Variants in ADGRL3 observed in about 807,000 individuals in gnomAD.
The protein encoded by ADGRL3 is adhesion G protein-coupled receptor L3.
ADGRL3 carries 62 observed loss-of-function variants against 153.5 expected under a neutral mutation model. That is an observed-to-expected ratio of 0.40 (90% CI 0.33 to 0.50). The LOEUF is 0.50. Among genes scored for constraint, ADGRL3 ranks in the 20% least tolerant of loss-of-function variants. The pLI, the probability that ADGRL3 is intolerant of heterozygous loss-of-function variation, is 0.47. For missense variants in ADGRL3, 1,641 were observed against 1,859.4 expected, an observed-to-expected ratio of 0.88 and a Z score of 2.16; for synonymous variants, 710 against 672.5, an observed-to-expected ratio of 1.06 and a Z score of -0.86.
chr4:62,057,057 C>A (rs1737409479), intron 25 of ADGRL3, among the ~76,000 whole-genome samples: 1 of 151,992 alleles, frequency 6.6e-6, no homozygotes, highest in South Asian at 2.1e-4. Flanking sequence ...AGTAGAGTGG[C>A]AATTCAAGTT....
chr4:61,913,669 T>C (rs957673503), intron 13 of ADGRL3, among the ~76,000 whole-genome samples: 6 of 152,150 alleles, frequency 3.9e-5, no homozygotes, highest in Non-Finnish European at 1.5e-5. Context: ...TTGATATAAA[T>C]AGTAAAAATT....
Position 62,070,674 on chromosome 4 carries a change from G to T in ADGRL3, c.4398G>T (p.Glu1466Asp). ...MPTLAGVAAT[E>D]SVTTSTQTEP... ...CACTGGCTGGTGTGGCCGCCACAGAGAGTGTTACCACCAGCACCCAGACCG... is the reference window on the plus strand; with the variant it reads ...CACTGGCTGGTGTGGCCGCCACAGATAGTGTTACCACCAGCACCCAGACCG... The change falls in exon 27 of 27, where the codon GAG becomes GAT. Residue 1466 changes from glutamate (E) to aspartate (D), a missense_variant. This residue lies in a region of ADGRL3 where 517 missense variants were observed against 555.0 expected (regional missense o/e 0.93). Transcript: ENST00000683033. 1 of 1,551,502 alleles carries T rather than the reference G, an allele frequency of 6.4e-7. No individual in the cohort carries two copies. Among genetic ancestry groups the T allele is most frequent in the South Asian group, 1.2e-5 (1 of 84,034 alleles).
chr4:62,051,721 T>C (rs1734327404), intron 25 of ADGRL3, among the ~76,000 whole-genome samples: 1 of 151,716 alleles, frequency 6.6e-6, no homozygotes, highest in Admixed American at 6.6e-5. Context: ...TCCTCACGTT[T>C]TTTGATTTAT....
chr4:61,797,571 A>G (rs888546733), intron 8 of ADGRL3, among the ~76,000 whole-genome samples: 1 of 152,204 alleles, frequency 6.6e-6, no homozygotes, highest in Admixed American at 6.5e-5. Context: ...AGAATTAAAT[A>G]TTCAATAAAT....
intron 23 of ADGRL3, among the ~76,000 whole-genome samples, chr4:62,033,664 G>A (rs573972860): frequency 1.3e-4 from 19 of 151,800 alleles, no homozygotes; most frequent in African/African-American, 4.1e-4. Flanking sequence ...GAAAATGGTA[G>A]CATTTGCCCA....
chr4:61,890,404 A>G (rs1003687411), intron 9 of ADGRL3, among the ~76,000 whole-genome samples: 7 of 152,310 alleles, frequency 4.6e-5, no homozygotes, highest in Non-Finnish European at 7.3e-5. Context: ...TAAAAACAGA[A>G]TAGTTTCTTA....
intron 11 of ADGRL3, among the ~76,000 whole-genome samples, chr4:61,906,629 A>G (rs2098696983): frequency 6.6e-6 from 1 of 152,162 alleles, no homozygotes; most frequent in African/African-American, 2.4e-5. Flanking sequence ...CTCTAATAGG[A>G]GCAATACAAA....
At chr4:61,572,157 T>C (rs1035690499) in intron 4 of ADGRL3, among the ~76,000 whole-genome samples, 7 of 152,154 alleles carry the variant, frequency 4.6e-5, no homozygotes, top group African/African-American at 1.7e-4. Context: ...ATACTTGCTG[T>C]AATAGATTTA....
intron 1 of ADGRL3, among the ~76,000 whole-genome samples, chr4:61,233,591 G>A (rs1483110517): frequency 1.3e-5 from 2 of 151,868 alleles, no homozygotes; most frequent in Non-Finnish European, 1.5e-5. Flanking sequence ...ATATATACAG[G>A]GTAGTTAAAT....
rs573592848 is a variant in ADGRL3 at position 61,767,421 on chromosome 4, T to A, written c.1399+33867T>A. Reference sequence around the variant, plus strand: ...TATGGAGGCAAGGGAAACAGACCCTTGAAAAGAACGTAATGTGGAGTGAGT... The same window carrying A: ...TATGGAGGCAAGGGAAACAGACCCTAGAAAAGAACGTAATGTGGAGTGAGT... On this transcript the variant is annotated intron_variant, in intron 8 of 26. Coordinates refer to ENST00000683033, the MANE Select transcript of ADGRL3 (RefSeq NM_001387552.1). Among the ~76,000 whole-genome samples, 5 of 152,002 alleles carry A rather than the reference T, an allele frequency of 3.3e-5. No homozygotes were observed. The East Asian group carries it at 9.7e-4, about 29-fold the overall frequency.
intron 1 of ADGRL3, among the ~76,000 whole-genome samples, chr4:61,220,362 T>C (rs1443555367): frequency 1.3e-5 from 2 of 152,168 alleles, no homozygotes; most frequent in Non-Finnish European, 2.9e-5. Context: ...ACATGAGCTT[T>C]AGAATCAGAA....
chr4:62,010,835 T>C (rs2099182732), intron 21 of ADGRL3, among the ~76,000 whole-genome samples: 1 of 152,152 alleles, frequency 6.6e-6, no homozygotes, highest in Non-Finnish European at 1.5e-5. Flanking sequence ...GATTCAGGGA[T>C]AAAATTTTTA....
intron 5 of ADGRL3, among the ~76,000 whole-genome samples, chr4:61,609,725 C>G (rs749655000): frequency 6.6e-6 from 1 of 151,938 alleles, no homozygotes; most frequent in Non-Finnish European, 1.5e-5. Flanking sequence ...TCGGGCACGC[C>G]CTGTGTTATT....
At chr4:62,011,743 T>A (rs1483991326) in intron 21 of ADGRL3, among the ~76,000 whole-genome samples, 1 of 152,134 alleles carries the variant, frequency 6.6e-6, no homozygotes, top group African/African-American at 2.4e-5. Flanking sequence ...GAACAAAACT[T>A]TTTTAAAATA....
At chr4:61,537,313 A>AT (rs2098663061) in intron 4 of ADGRL3, among the ~76,000 whole-genome samples, 1 of 151,010 alleles carries the variant, frequency 6.6e-6, no homozygotes, top group South Asian at 2.1e-4. Context: ...TGCCTTTAAG[A>AT]TTTTTTTCTT....
At chr4:61,474,148 TAGA>T (rs1395267808) in intron 2 of ADGRL3, among the ~76,000 whole-genome samples, 5 of 152,202 alleles carry the variant, frequency 3.3e-5, no homozygotes, top group African/African-American at 4.8e-5. Flanking sequence ...CAGAACATTT[TAGA>T]AGGTTATGTT....
chr4:61,590,026 T>C (rs2098963067), intron 5 of ADGRL3, among the ~76,000 whole-genome samples: 4 of 152,050 alleles, frequency 2.6e-5, no homozygotes, highest in South Asian at 2.1e-4. Context: ...CCACCAATCG[T>C]CCATGCTTTA....
Position 61,695,721 on chromosome 4 carries a change from T to C in ADGRL3, c.583+18786T>C, listed in dbSNP as rs537987434. 2.0e-5 allele frequency among the ~76,000 whole-genome samples: 3 copies of C among 152,300 alleles called. No individual in the cohort carries two copies. The South Asian group carries it at 6.2e-4, about 32-fold the overall frequency. On this transcript the variant is annotated intron_variant, in intron 6 of 26. Coordinates refer to ENST00000683033, the MANE Select transcript of ADGRL3 (RefSeq NM_001387552.1). ...AGAAATGTACTAGATAGCGTCTTCT[T>C]CCAATAGAAGGCTGTTTTGTCTACA...
chr4:61,836,308 A>C (rs1302439922), intron 9 of ADGRL3, among the ~76,000 whole-genome samples: 1 of 152,188 alleles, frequency 6.6e-6, no homozygotes, highest in African/African-American at 2.4e-5. Flanking sequence ...AACTTTGTAA[A>C]TCTGTTATTG....
Sources: allele counts gnomAD v4.1 joint callset (sites outside exome capture counted in the v4.1 genomes callset), GRCh38; gene constraint gnomAD v4.1.1; regional missense constraint gnomAD v4.1.1; transcripts MANE v1.5; gene names NCBI Gene and HGNC (gene_info 2026-07-23, HGNC 2026-07-21).